The following CTNND2 variants were observed in gnomAD, a reference collection of about 807,000 sequenced individuals.
CTNND2 encodes the protein catenin delta 2.
Under a neutral mutation model 144.4 loss-of-function variants are expected in CTNND2, and 22 were observed. The ratio of observed to expected loss-of-function variants is 0.15; its 90% confidence interval spans 0.11 to 0.22. The LOEUF (loss-of-function observed/expected upper bound fraction) is 0.22. CTNND2 is among the 10% of genes least tolerant of loss of function. The probability of loss-of-function intolerance (pLI) is 1.00; values close to 1 mark genes in which losing one functional copy is unlikely to be tolerated. For missense variants in CTNND2, 1,353 were observed against 1,618.8 expected (o/e 0.84, Z 2.82); for synonymous variants, 751 against 695.6 (o/e 1.08, Z -1.25).
At chr5:11,232,213 C>T (rs1010168446) in intron 10 of CTNND2, among the ~76,000 whole-genome samples, 1 of 152,242 alleles carries the variant, frequency 6.6e-6, no homozygotes, top group African/African-American at 2.4e-5. Context: ...GTTGGAGCCC[C>T]CACACAGAGT....
chr5:11,574,701 T>C (rs1375875591), intron 2 of CTNND2, among the ~76,000 whole-genome samples: 2 of 152,168 alleles, frequency 1.3e-5, no homozygotes, highest in Non-Finnish European at 2.9e-5. Flanking sequence ...CCCTTAACTT[T>C]TAAGAGGAGC....
chr5:11,117,997 C>T (rs1042503492), intron 12 of CTNND2, among the ~76,000 whole-genome samples: 2 of 152,254 alleles, frequency 1.3e-5, no homozygotes, highest in Admixed American at 6.5e-5. Context: ...ACAAAAGATA[C>T]CTACCTTGGC....
chr5:11,792,141 A>G (rs913106204), intron 1 of CTNND2, among the ~76,000 whole-genome samples: 2 of 152,184 alleles, frequency 1.3e-5, no homozygotes, highest in Non-Finnish European at 2.9e-5. Flanking sequence ...TTATTCTCCA[A>G]TGATAATCAG....
intron 2 of CTNND2, among the ~76,000 whole-genome samples, chr5:11,626,788 CA>C (rs1160652349): frequency 6.6e-6 from 1 of 152,168 alleles, no homozygotes; most frequent in Non-Finnish European, 1.5e-5. Context: ...ACTTCACACG[CA>C]AATCGGAAAA....
At chr5:11,273,178 C>G (rs1746195097) in intron 9 of CTNND2, among the ~76,000 whole-genome samples, 1 of 152,164 alleles carries the variant, frequency 6.6e-6, no homozygotes, top group East Asian at 1.9e-4. Flanking sequence ...GCCCACGAAG[C>G]CTAGAATATT....
chr5:11,555,242 G>A (rs990755940), intron 3 of CTNND2, among the ~76,000 whole-genome samples: 1 of 152,170 alleles, frequency 6.6e-6, no homozygotes, highest in African/African-American at 2.4e-5. Flanking sequence ...GGAAATGGAA[G>A]AGAAACAGAC....
intron 2 of CTNND2, among the ~76,000 whole-genome samples, chr5:11,658,908 G>T (rs561567068): frequency 6.6e-6 from 1 of 152,198 alleles, no homozygotes; most frequent in East Asian, 1.9e-4. Flanking sequence ...CTACTGAAAA[G>T]AATTTAGAGA....
chr5:11,538,303 C>T (rs940212136), intron 3 of CTNND2, among the ~76,000 whole-genome samples: 1 of 152,288 alleles, frequency 6.6e-6, no homozygotes, highest in Admixed American at 6.5e-5. Flanking sequence ...GCAGGACACT[C>T]AGCAAAGCAT....
chr5:11,110,071 G>T (rs982154840), intron 14 of CTNND2, among the ~76,000 whole-genome samples: 1 of 152,130 alleles, frequency 6.6e-6, no homozygotes, highest in Non-Finnish European at 1.5e-5. Context: ...TGTTAGCAAA[G>T]GTGGGGATGC....
rs60272651 is a variant in CTNND2 at position 11,893,672 on chromosome 5, A to C, written c.37+10145T>G. Among the ~76,000 whole-genome samples the C allele has an allele frequency of 7.6e-3, 1,159 of 152,164 alleles. 13 individuals are homozygous for C. Among genetic ancestry groups the C allele is most frequent in the African/African-American group, 0.027 (1,110 of 41,508 alleles). On this transcript the variant is annotated intron_variant, in intron 1 of 21. Transcript: ENST00000304623. ...GGAAGAAGGATGCTTTCTGAACGTT[A>C]ATTTCCTCCAGCCATCATCTTGGCT...
intron 2 of CTNND2, among the ~76,000 whole-genome samples, chr5:11,699,558 C>T (rs1785322050): frequency 1.3e-5 from 2 of 151,972 alleles, no homozygotes; most frequent in African/African-American, 4.8e-5. Context: ...TAAGTGAAAA[C>T]AAGGGAGGAA....
intron 3 of CTNND2, among the ~76,000 whole-genome samples, chr5:11,451,852 C>A (rs922699817): frequency 2.0e-5 from 3 of 152,180 alleles, no homozygotes; most frequent in African/African-American, 7.2e-5. Context: ...CACATTCTTT[C>A]ATTAAAAAAC....
At chr5:11,350,270 A>C (rs1362187224) in intron 8 of CTNND2, among the ~76,000 whole-genome samples, 1 of 152,184 alleles carries the variant, frequency 6.6e-6, no homozygotes, top group African/African-American at 2.4e-5. Flanking sequence ...AATTTACACA[A>C]TTTCTCAATT....
At chr5:11,345,856 A>G (rs1444442455) in intron 9 of CTNND2, among the ~76,000 whole-genome samples, 3 of 151,616 alleles carry the variant, frequency 2.0e-5, no homozygotes, top group South Asian at 2.1e-4. Context: ...TTATGCTCAC[A>G]TTTTTATCAG....
At position 11,406,223 on chromosome 5, in the gene CTNND2, T is replaced by C. The variant is rs1581127727; in HGVS notation, c.439+5313A>G. Among the ~76,000 whole-genome samples the C allele has an allele frequency of 2.0e-5, 3 of 152,150 alleles. No individual in the cohort carries two copies. In the East Asian group the frequency reaches 5.8e-4, roughly 29 times the overall value. ...TTTCACAGGGAATGAACAATTAGGA[T>C]AGCTCAACTGACTCAGACACGCTTT... On this transcript the variant is annotated intron_variant, in intron 5 of 21. Transcript: ENST00000304623.
At chr5:11,774,477 C>T (rs1328481104) in intron 1 of CTNND2, among the ~76,000 whole-genome samples, 3 of 146,284 alleles carry the variant, frequency 2.1e-5, no homozygotes, top group African/African-American at 4.9e-5. Context: ...GTGCAGCGCA[C>T]CAGCATGGCA....
At chr5:11,259,600 G>A (rs1226288354) in intron 9 of CTNND2, among the ~76,000 whole-genome samples, 3 of 152,180 alleles carry the variant, frequency 2.0e-5, no homozygotes, top group Non-Finnish European at 4.4e-5. Flanking sequence ...TAGACACTAC[G>A]GGTTGGGGTG....
rs140407954 is a variant in CTNND2, at chr5:11,378,066, G to A, written c.1177+6599C>T. ...GAATTCCAGAGAGATGAGCTTGCAC[G>A]AAGCCACTGAGATATGGATTCCCTA... On this transcript the variant is annotated intron_variant, in intron 7 of 21. Coordinates refer to ENST00000304623, the MANE Select transcript of CTNND2 (RefSeq NM_001332.4). Among the ~76,000 whole-genome samples, 34 of 152,192 alleles carry A rather than the reference G, an allele frequency of 2.2e-4. No individual in the cohort carries two copies. The East Asian group carries it at 5.4e-3, about 24-fold the overall frequency.
intron 2 of CTNND2, among the ~76,000 whole-genome samples, chr5:11,626,625 T>C (rs563721869): frequency 2.5e-4 from 38 of 152,308 alleles, no homozygotes; most frequent in African/African-American, 9.1e-4. Flanking sequence ...TGGCTGCCAC[T>C]GTGTAATTAT....
Sources: gnomAD v4.1 joint callset for allele counts (sites outside exome capture counted in the v4.1 genomes callset) on GRCh38, gnomAD v4.1.1 for gene constraint, MANE v1.5 for transcripts, NCBI Gene and HGNC (gene_info 2026-07-23, HGNC 2026-07-21) for gene names.